MEF2A: variants seen among roughly 807,000 people sequenced by gnomAD.
The protein encoded by MEF2A is myocyte-specific enhancer factor 2A.
In MEF2A, 28 loss-of-function variants were observed where a neutral mutation model predicts 55.8. That is an observed-to-expected ratio of 0.50 (90% CI 0.37 to 0.69). The LOEUF is 0.69. MEF2A is among the 30% of genes least tolerant of loss of function. The pLI, the probability that MEF2A is intolerant of heterozygous loss-of-function variation, is 0.00. For missense variants in MEF2A, 528 were observed against 626.2 expected (o/e 0.84, Z 1.67); for synonymous variants, 239 against 227.1 (o/e 1.05, Z -0.47).
intron 4 of MEF2A, among the ~76,000 whole-genome samples, chr15:99,654,860 A>G (rs116340494): frequency 1.2e-3 from 179 of 152,310 alleles, no homozygotes; most frequent in African/African-American, 4.1e-3. Flanking sequence ...GTGCAACTGA[A>G]AAACCTGAGT....
At chr15:99,594,396 T>C (rs1970403725) in intron 1 of MEF2A, among the ~76,000 whole-genome samples, 1 of 151,770 alleles carries the variant, frequency 6.6e-6, no homozygotes, top group South Asian at 2.1e-4. Flanking sequence ...CTGGTTGTGC[T>C]ACCGTCTAGG....
intron 1 of MEF2A, among the ~76,000 whole-genome samples, chr15:99,585,121 A>G (rs181165443): frequency 2.0e-5 from 3 of 152,292 alleles, no homozygotes; most frequent in African/African-American, 7.2e-5. Context: ...TTGGGCTGGA[A>G]TTGTGCTTTA....
intron 7 of MEF2A, among the ~76,000 whole-genome samples, chr15:99,688,051 G>A (rs1308699588): frequency 6.6e-6 from 1 of 152,234 alleles, no homozygotes; most frequent in South Asian, 2.1e-4. Context: ...TGAATATTTT[G>A]TTCTTTGCCA....
At chr15:99,579,873 TC>T (rs1402439384) in intron 1 of MEF2A, among the ~76,000 whole-genome samples, 6 of 152,284 alleles carry the variant, frequency 3.9e-5, no homozygotes, top group Admixed American at 2.6e-4. Flanking sequence ...CCTTAACTAT[TC>T]CCTTTTCTTT....
At chr15:99,703,463 C>A in intron 9 of MEF2A, 78 bp downstream of exon 9, 1 of 1,436,988 alleles carries the variant, frequency 7.0e-7, no homozygotes, top group Non-Finnish European at 9.4e-7. Flanking sequence ...GTTATCTAAC[C>A]AATGTTCCCT....
rs560098597 is a variant in MEF2A at position 99,675,473 on chromosome 15, A to T, written c.670+15A>T. ...CAGTCCAGTGGGTGAGTGAATTCCT[A>T]CTCTTCTGTTTTGTAGGTATCTATC... On this transcript the variant is annotated intron_variant, in intron 7 of 11. Transcript: ENST00000557942. 1.2e-6 allele frequency: 2 copies of T among 1,609,904 alleles called. No homozygotes were observed. The highest frequency in any genetic ancestry group is 1.7e-6 in the Non-Finnish European group (2 of 1,176,382).
chr15:99,593,152 C>CT (rs1280277583), intron 1 of MEF2A, among the ~76,000 whole-genome samples: 1 of 152,148 alleles, frequency 6.6e-6, no homozygotes, highest in African/African-American at 2.4e-5. Flanking sequence ...TTCAGGAGCA[C>CT]TTTCTCTCCT....
At chr15:99,704,917 G>A (rs2057846282) in intron 9 of MEF2A, among the ~76,000 whole-genome samples, 2 of 152,144 alleles carry the variant, frequency 1.3e-5, no homozygotes, top group Admixed American at 1.3e-4. Flanking sequence ...TGTAATTACA[G>A]AACCTCAGAG....
chr15:99,583,680 C>G (rs545221456), intron 1 of MEF2A, among the ~76,000 whole-genome samples: 1 of 152,002 alleles, frequency 6.6e-6, no homozygotes, highest in East Asian at 1.9e-4. Flanking sequence ...AATTAAAATT[C>G]TAATGAATTT....
chr15:99,576,644 T>G (rs1415283453), intron 1 of MEF2A, among the ~76,000 whole-genome samples: 1 of 151,242 alleles, frequency 6.6e-6, no homozygotes. Flanking sequence ...TTAGTTTTTT[T>G]GTTTTTTTTT....
intron 2 of MEF2A, among the ~76,000 whole-genome samples, chr15:99,604,122 TCATTTG>T (rs1287550135): frequency 6.6e-6 from 1 of 152,192 alleles, no homozygotes; most frequent in Non-Finnish European, 1.5e-5. Flanking sequence ...TAGGTTTTAG[TCATTTG>T]ATTATGATGG....
At chr15:99,690,650 T>C (rs1415625025) in intron 8 of MEF2A, 2 of 647,702 alleles carry the variant, frequency 3.1e-6, no homozygotes, top group Middle Eastern at 3.6e-4. Context: ...TAAAGCTAAA[T>C]ACGAACGTGG....
At chr15:99,591,873 C>T (rs751334202) in intron 1 of MEF2A, among the ~76,000 whole-genome samples, 9 of 151,948 alleles carry the variant, frequency 5.9e-5, no homozygotes, top group Admixed American at 1.3e-4. Flanking sequence ...TTAAAAAAAT[C>T]GTTTAATATA....
intron 10 of MEF2A, among the ~76,000 whole-genome samples, chr15:99,707,413 T>G (rs2058155933): frequency 1.3e-5 from 2 of 152,174 alleles, no homozygotes; most frequent in African/African-American, 4.8e-5. Flanking sequence ...TGATTTCTCC[T>G]CGGAGCCAGT....
chr15:99,595,453 C>T (rs926720213), intron 1 of MEF2A, among the ~76,000 whole-genome samples: 2 of 152,018 alleles, frequency 1.3e-5, no homozygotes, highest in African/African-American at 4.8e-5. Flanking sequence ...ATAGGTCTCC[C>T]CACTAGAATG....
chr15:99,709,915 G>A (rs2058433758), intron 10 of MEF2A, among the ~76,000 whole-genome samples: 1 of 152,196 alleles, frequency 6.6e-6, no homozygotes, highest in Non-Finnish European at 1.5e-5. Flanking sequence ...GTGTAATGAT[G>A]TCACTGAGCT....
intron 8 of MEF2A, among the ~76,000 whole-genome samples, chr15:99,696,714 T>A (rs1305478543): frequency 6.6e-6 from 1 of 151,512 alleles, no homozygotes; most frequent in Non-Finnish European, 1.5e-5. Context: ...TTAACCCCAA[T>A]CAAGCAGAAG....
chr15:99,713,178 T>G lies in MEF2A; in HGVS notation c.*407T>G. The G allele has an allele frequency of 2.4e-6, 1 of 410,394 alleles. No individual in the cohort carries two copies. Among genetic ancestry groups the G allele is most frequent in the Non-Finnish European group, 4.3e-6 (1 of 232,460 alleles). The allele number at this position is 410,394 out of a possible 1,614,324, so 25.4% of individuals were successfully genotyped here. A position where few individuals can be genotyped will look rare whatever the true frequency, so the allele number is the denominator to read the frequency against. On this transcript the variant is annotated 3_prime_UTR_variant, in exon 12 of 12. Coordinates refer to ENST00000557942, the MANE Select transcript of MEF2A (RefSeq NM_001319206.4). The stretch of plus-strand genomic sequence containing the variant: ...TTATTTAACTGTGCAGTGACTGTAG[T>G]TACTTAAGAGAAAATGCTTTGTAGA...
chr15:99,617,778 G>A (rs2040455585), intron 2 of MEF2A, among the ~76,000 whole-genome samples: 1 of 152,112 alleles, frequency 6.6e-6, no homozygotes, highest in Non-Finnish European at 1.5e-5. Flanking sequence ...TCTCTAAGCA[G>A]TGTGTGGTTG....
Sources: gnomAD v4.1 joint callset for allele counts (sites outside exome capture counted in the v4.1 genomes callset) on GRCh38, gnomAD v4.1.1 for gene constraint, MANE v1.5 for transcripts, NCBI Gene and HGNC (gene_info 2026-07-23, HGNC 2026-07-21) for gene names.